The following CAPN3 variants were observed in gnomAD, a reference collection of about 807,000 sequenced individuals.
CAPN3 encodes calpain 3, also known as calpain-3.
In CAPN3, 88 loss-of-function variants were observed where a neutral mutation model predicts 114.0. That is an observed-to-expected ratio of 0.77 (90% CI 0.65 to 0.92). CAPN3 has a LOEUF of 0.92. Ranked by LOEUF, CAPN3 falls within the 40% of genes least tolerant of loss-of-function variation. The probability of loss-of-function intolerance (pLI) is 0.00; values close to 1 mark genes in which losing one functional copy is unlikely to be tolerated. For synonymous variants in CAPN3, 386 were observed against 382.9 expected (o/e 1.01, Z -0.09); for missense variants, 1,028 against 1,069.0 (o/e 0.96, Z 0.53).
At chr15:42,372,307 G>A (rs911185901) in intron 1 of CAPN3, among the ~76,000 whole-genome samples, 1 of 152,070 alleles carries the variant, frequency 6.6e-6, no homozygotes, top group Non-Finnish European at 1.5e-5. Context: ...TTATAGGCAT[G>A]CACCATAATG....
intron 2 of CAPN3, 72 bp from the exon 3 acceptor site, chr15:42,386,095 G>T: frequency 9.5e-7 from 1 of 1,049,928 alleles, no homozygotes; most frequent in Non-Finnish European, 1.5e-6. Flanking sequence ...GGAGTGGCTG[G>T]CTGGGATTGG....
intron 1 of CAPN3, among the ~76,000 whole-genome samples, chr15:42,365,224 TC>T (rs1469509178): frequency 6.6e-6 from 1 of 152,164 alleles, no homozygotes; most frequent in Admixed American, 6.5e-5. Flanking sequence ...AGGTTAAACT[TC>T]CCTCCATCAG....
rs1325369717 is a variant in CAPN3, at chr15:42,412,265, T to C, written c.*492T>C. The C allele has an allele frequency of 2.9e-6, 4 of 1,359,400 alleles. No individual in the cohort carries two copies. Among genetic ancestry groups the C allele is most frequent in the Non-Finnish European group, 4.0e-6 (4 of 996,080 alleles). The allele number at this position is 1,359,400 out of a possible 1,614,324, so 84.2% of individuals were successfully genotyped here. On this transcript the variant is annotated 3_prime_UTR_variant, in exon 24 of 24. Coordinates refer to ENST00000397163, the MANE Select transcript of CAPN3 (RefSeq NM_000070.3). ...CTTTGGGCTGTCCAACTCATAAGTT[T>C]GGCTGCATTTTGAAAAAAGCTGATC... is the stretch of plus-strand genomic sequence containing the variant.
At chr15:42,410,348 G>T in intron 19 of CAPN3, 80 bp from the exon 20 acceptor site, 2 of 1,284,190 alleles carry the variant, frequency 1.6e-6, no homozygotes, top group South Asian at 1.2e-5. Context: ...GGGTAGGACA[G>T]CCCGGAGTCT....
rs1259120219 is a variant in CAPN3, at chr15:42,412,039, G to A, written c.*266G>A. 1.1e-5 allele frequency: 17 copies of A among 1,518,316 alleles called. No individual in the cohort carries two copies. The East Asian group carries it at 1.5e-4, about 13-fold the overall frequency. 94.1% of individuals were successfully genotyped at this position (1,518,316 alleles called of 1,614,324 possible). A position where few individuals can be genotyped will look rare whatever the true frequency, so the allele number is the denominator to read the frequency against. On this transcript the variant is annotated 3_prime_UTR_variant, in exon 24 of 24. Transcript: ENST00000397163. ...GGAGGAAAGTGCCTGCCTCTGGTCC[G>A]AGCCGCCTCGGTTCTGAAGCGAGTG...
At chr15:42,407,766 G>A (rs978123578) in intron 15 of CAPN3, among the ~76,000 whole-genome samples, 2 of 152,176 alleles carry the variant, frequency 1.3e-5, no homozygotes, top group East Asian at 3.8e-4. Context: ...CCTTTGAGGT[G>A]CCTCAGTAGC....
chr15:42,373,518 G>C lies in CAPN3; in HGVS notation c.310-10965G>C, dbSNP rs137924636. 2.3e-3 allele frequency among the ~76,000 whole-genome samples: 353 copies of C among 152,308 alleles called. 2 individuals are homozygous for C. The highest frequency in any genetic ancestry group is 4.4e-3 in the Admixed American group (67 of 15,294). On this transcript the variant is annotated intron_variant, in intron 1 of 23. Transcript: ENST00000397163. ...AGCTCCCTGCTCTTACATTAGAGCT[G>C]CCTATTTAAGCACAGTGAAAGTTGA...
In CAPN3 at chr15:42,392,530, G is replaced by T. The variant is rs1345821132; in HGVS notation, c.946-109G>T. The T allele has an allele frequency of 1.7e-5, 14 of 811,452 alleles. 1 individual carries two copies. The highest frequency in any genetic ancestry group is 4.3e-5 in the South Asian group (3 of 69,178). 50.3% of individuals were successfully genotyped at this position (811,452 alleles called of 1,614,324 possible). ...AGGCACACTTTCAGGGAGCAGAGTG[G>T]TCTGTGTCTTCACAGAGCCCGGAAA... On this transcript the variant is annotated intron_variant, in intron 6 of 23. Transcript: ENST00000397163.
intron 3 of CAPN3, among the ~76,000 whole-genome samples, chr15:42,387,226 G>A (rs28364407): frequency 0.015 from 2,218 of 152,244 alleles, 55 homozygotes; most frequent in African/African-American, 0.051. Context: ...AAAAAAGAGC[G>A]ACATCCAAAC....
intron 1 of CAPN3, among the ~76,000 whole-genome samples, chr15:42,364,785 A>G (rs116612028): frequency 0.011 from 1,609 of 152,314 alleles, 26 homozygotes; most frequent in African/African-American, 0.036. Context: ...CTTGCTGAGC[A>G]AGGGCTTCGT....
At position 42,411,747 on chromosome 15, in the gene CAPN3, TG is replaced by T; in HGVS notation, c.2442del (p.Trp814CysfsTer69). The T allele has an allele frequency of 6.7e-7, 1 of 1,498,634 alleles. No homozygotes were observed. The highest frequency in any genetic ancestry group is 9.2e-7 in the Non-Finnish European group (1 of 1,085,484). 92.8% of individuals were successfully genotyped at this position (1,498,634 alleles called of 1,614,324 possible). On this transcript the variant is annotated frameshift_variant and splice_region_variant, in exon 24 of 24. Coordinates refer to ENST00000397163, the MANE Select transcript of CAPN3 (RefSeq NM_000070.3). LOFTEE classifies it high-confidence loss of function. Reference protein sequence around the residue: ...DGIIKLNVLEWLQLTMYA With the variant: ...DGIIKLNVLEXLQLTMYA ...ATTCTGATCTTGGGACTTCTTTCAG[TG>T]GCTGCAGCTCACCATGTATGCCTGA...
chr15:42,403,604 G>A (rs2053937795), intron 13 of CAPN3, 137 bp from the exon 14 acceptor site: 2 of 803,180 alleles, frequency 2.5e-6, no homozygotes, highest in Non-Finnish European at 4.5e-6. Context: ...GGTTCCTGGG[G>A]TTGGGGTGTT....
rs146611026 is a variant in CAPN3, at chr15:42,406,263, C to T, written c.1800+320C>T. Among the ~76,000 whole-genome samples the T allele has an allele frequency of 1.5e-4, 23 of 152,142 alleles. 1 individual carries two copies. The East Asian group carries it at 4.1e-3, about 27-fold the overall frequency. On this transcript the variant is annotated intron_variant, in intron 15 of 23. Coordinates refer to ENST00000397163, the MANE Select transcript of CAPN3 (RefSeq NM_000070.3). ...ACAGACTTGACTAACTTGCCCAAGG[C>T]CACACAGCCAGAGAGGGGCAGAGCC...
chr15:42,389,821 C>T (rs1293365539), intron 5 of CAPN3, 132 bp from the exon 6 acceptor site: 3 of 969,678 alleles, frequency 3.1e-6, no homozygotes, highest in Non-Finnish European at 1.6e-6. Context: ...TTCCTCCATT[C>T]GTGCTCTGTT....
At chr15:42,411,117 C>T (rs1422177978) in intron 22 of CAPN3, 117 bp downstream of exon 22, 1 of 1,044,412 alleles carries the variant, frequency 9.6e-7, no homozygotes, top group African/African-American at 1.6e-5. Context: ...CCAATGACCT[C>T]TTTAGGCCCA....
At chr15:42,388,800 T>C in intron 4 of CAPN3, 128 bp from the exon 5 acceptor site, 1 of 827,304 alleles carries the variant, frequency 1.2e-6, no homozygotes, top group South Asian at 1.3e-5. Flanking sequence ...CATGAGCTCA[T>C]AGGGTTAATG....
At chr15:42,382,499 G>C (rs1438949625) in intron 1 of CAPN3, among the ~76,000 whole-genome samples, 2 of 152,204 alleles carry the variant, frequency 1.3e-5, no homozygotes, top group Non-Finnish European at 2.9e-5. Context: ...CTCCCAAGTA[G>C]CTGGGACTAT....
At chr15:42,375,084 G>A (rs963434799) in intron 1 of CAPN3, among the ~76,000 whole-genome samples, 1 of 150,828 alleles carries the variant, frequency 6.6e-6, no homozygotes. Context: ...AAACCCCTCG[G>A]CTCAAGCAAT....
intron 14 of CAPN3, chr15:42,404,419 G>A (rs1241645097): frequency 2.2e-6 from 1 of 456,570 alleles, no homozygotes; most frequent in African/African-American, 2.0e-5. Flanking sequence ...CTGAGAGGTA[G>A]ATGGGGTTAT....
Sources: gnomAD v4.1 joint callset for allele counts (sites outside exome capture counted in the v4.1 genomes callset) on GRCh38, gnomAD v4.1.1 for gene constraint, MANE v1.5 for transcripts, NCBI Gene and HGNC (gene_info 2026-07-23, HGNC 2026-07-21) for gene names.